The following CNTNAP5 variants were observed in gnomAD, a reference collection of about 807,000 sequenced individuals.
CNTNAP5 encodes the protein contactin associated protein family member 5.
CNTNAP5 carries 72 observed loss-of-function variants against 150.2 expected under a neutral mutation model. The ratio of observed to expected loss-of-function variants is 0.48; its 90% CI spans 0.40 to 0.58. The LOEUF (loss-of-function observed/expected upper bound fraction) is 0.58. CNTNAP5 is among the 20% of genes least tolerant of loss of function. CNTNAP5 has a pLI of 0.00. For synonymous variants in CNTNAP5, 672 were observed against 619.8 expected, an observed-to-expected ratio of 1.08 and a Z score of -1.25; for missense variants, 1,636 against 1,626.2, an observed-to-expected ratio of 1.01 and a Z score of -0.10.
chr2:124,158,208 C>T (rs79097496), intron 1 of CNTNAP5, among the ~76,000 whole-genome samples: 2,331 of 152,180 alleles, frequency 0.015, 59 homozygotes, highest in African/African-American at 0.054. Flanking sequence ...AAAACCCTCC[C>T]TTGGAAAACA....
chr2:124,797,730 A>G (rs750210985), intron 18 of CNTNAP5, among the ~76,000 whole-genome samples: 3 of 152,184 alleles, frequency 2.0e-5, no homozygotes, highest in African/African-American at 4.8e-5. Context: ...GTATTTCTCT[A>G]TGCACTATGC....
intron 3 of CNTNAP5, among the ~76,000 whole-genome samples, chr2:124,367,857 TC>T (rs1196351989): frequency 6.6e-6 from 1 of 152,204 alleles, no homozygotes; most frequent in Admixed American, 6.5e-5. Context: ...AGAAATCAGT[TC>T]TTGGAAGAGG....
chr2:124,608,913 C>T (rs1179178075), intron 11 of CNTNAP5, among the ~76,000 whole-genome samples: 1 of 150,926 alleles, frequency 6.6e-6, no homozygotes, highest in African/African-American at 2.4e-5. Context: ...CACGGCACTC[C>T]AGCCTGGGCA....
chr2:124,305,111 C>CAAAAAAAAAAAAAAAAAA (rs57896748), intron 3 of CNTNAP5, among the ~76,000 whole-genome samples: 1 of 86,408 alleles, frequency 1.2e-5, no homozygotes, highest in Non-Finnish European at 2.2e-5. Flanking sequence ...ACAAAAAATA[C>CAAAAAAAAAAAAAAAAAA]AAAAAAAAAA....
chr2:124,042,089 G>A (rs1032085517), intron 1 of CNTNAP5, among the ~76,000 whole-genome samples: 13 of 152,086 alleles, frequency 8.5e-5, no homozygotes, highest in Non-Finnish European at 1.2e-4. Context: ...TTACACTCCT[G>A]ACATTAGGTG....
chr2:124,412,988 A>G lies in CNTNAP5; in HGVS notation c.382-4455A>G, dbSNP rs1288999563. 3.2e-5 allele frequency among the ~76,000 whole-genome samples: 2 copies of G among 63,034 alleles called. 1 individual carries two copies. The highest frequency in any genetic ancestry group is 8.6e-4 in the East Asian group (2 of 2,334). 41.4% of individuals were successfully genotyped at this position (63,034 alleles called of 152,430 possible). Reference sequence around the variant, plus strand: ...ATTTTCGCAACCTACTCATCTGACAAAGGGCTAATATCCAGAATCTACAAT... The same window carrying G: ...ATTTTCGCAACCTACTCATCTGACAGAGGGCTAATATCCAGAATCTACAAT... On this transcript the variant is annotated intron_variant, in intron 3 of 23. Coordinates refer to ENST00000682447, the MANE Select transcript of CNTNAP5 (RefSeq NM_001367498.1).
intron 10 of CNTNAP5, among the ~76,000 whole-genome samples, chr2:124,561,692 TTGCTG>T (rs572134262): frequency 1.5e-4 from 23 of 152,294 alleles, no homozygotes; most frequent in African/African-American, 4.1e-4. Flanking sequence ...AATTGTATAT[TTGCTG>T]TGCTGAGCAG....
intron 21 of CNTNAP5, among the ~76,000 whole-genome samples, chr2:124,874,292 A>G (rs1471731633): frequency 6.6e-6 from 1 of 152,104 alleles, no homozygotes; most frequent in Non-Finnish European, 1.5e-5. Context: ...GAGAGAGCAC[A>G]TATTTAGGGA....
chr2:124,132,180 A>G (rs927222818), intron 1 of CNTNAP5, among the ~76,000 whole-genome samples: 1 of 152,080 alleles, frequency 6.6e-6, no homozygotes, highest in Non-Finnish European at 1.5e-5. Flanking sequence ...ACTACACTTG[A>G]GTGGAAAGGT....
intron 3 of CNTNAP5, among the ~76,000 whole-genome samples, chr2:124,250,168 G>A (rs1294741236): frequency 6.6e-6 from 1 of 152,112 alleles, no homozygotes; most frequent in Non-Finnish European, 1.5e-5. Flanking sequence ...TCTCAAAAAC[G>A]AGCATGCTTC....
chr2:124,451,138 G>A (rs1692971409), intron 6 of CNTNAP5, among the ~76,000 whole-genome samples: 1 of 129,744 alleles, frequency 7.7e-6, no homozygotes, highest in Non-Finnish European at 1.6e-5. Context: ...TAATGTATAT[G>A]TATATGCACA....
intron 19 of CNTNAP5, among the ~76,000 whole-genome samples, chr2:124,827,458 T>A (rs538545392): frequency 6.6e-6 from 1 of 152,154 alleles, no homozygotes; most frequent in African/African-American, 2.4e-5. Flanking sequence ...AGTCATGAGA[T>A]CTTCTAAATC....
At chr2:124,070,616 T>C (rs6541934) in intron 1 of CNTNAP5, among the ~76,000 whole-genome samples, 45,349 of 151,690 alleles carry the variant, frequency 0.3, 7,094 homozygotes, top group Admixed American at 0.37. Flanking sequence ...CATTATATAA[T>C]GATAACAAAG....
chr2:124,124,569 A>G (rs1056234727), intron 1 of CNTNAP5, among the ~76,000 whole-genome samples: 1 of 152,198 alleles, frequency 6.6e-6, no homozygotes, highest in Non-Finnish European at 1.5e-5. Context: ...AGAATGCCAC[A>G]GAGATACTCC....
intron 1 of CNTNAP5, among the ~76,000 whole-genome samples, chr2:124,188,543 C>T (rs1189021951): frequency 6.6e-6 from 1 of 151,784 alleles, no homozygotes; most frequent in Non-Finnish European, 1.5e-5. Context: ...CATGGAGAAA[C>T]CCCGTCTCTA....
chr2:124,124,590 C>A (rs1428372073), intron 1 of CNTNAP5, among the ~76,000 whole-genome samples: 2 of 152,070 alleles, frequency 1.3e-5, no homozygotes, highest in African/African-American at 2.4e-5. Context: ...TCAAGAAGAG[C>A]AACTCCAAGA....
At chr2:124,041,212 C>A (rs921644288) in intron 1 of CNTNAP5, among the ~76,000 whole-genome samples, 16 of 152,204 alleles carry the variant, frequency 1.1e-4, no homozygotes, top group Non-Finnish European at 2.1e-4. Context: ...CTTGTTGATA[C>A]ATTGTTTAGA....
chr2:124,901,115 C>G (rs1573698972), intron 21 of CNTNAP5, among the ~76,000 whole-genome samples: 1 of 151,506 alleles, frequency 6.6e-6, no homozygotes, highest in Non-Finnish European at 1.5e-5. Context: ...ATCTCAGAGT[C>G]CTTTTATATT....
At chr2:124,386,563 T>G (rs372129758) in intron 3 of CNTNAP5, among the ~76,000 whole-genome samples, 2 of 152,234 alleles carry the variant, frequency 1.3e-5, no homozygotes, top group South Asian at 4.1e-4. Flanking sequence ...TTCATCCAAT[T>G]TGCTGTAGTT....
Sources: allele counts gnomAD v4.1 joint callset (sites outside exome capture counted in the v4.1 genomes callset), GRCh38; gene constraint gnomAD v4.1.1; transcripts MANE v1.5; gene names NCBI Gene and HGNC (gene_info 2026-07-23, HGNC 2026-07-21).